CCDC171: variants seen among roughly 807,000 people sequenced by gnomAD.
CCDC171 encodes coiled-coil domain-containing protein 171.
CCDC171 carries 177 observed loss-of-function variants against 168.2 expected under a neutral mutation model. That is an observed-to-expected ratio of 1.05 (90% CI 0.93 to 1.19). CCDC171 has a LOEUF of 1.19. Among genes scored for constraint, CCDC171 ranks in the 50% most tolerant of loss-of-function variants. CCDC171 has a pLI of 0.00. For missense variants in CCDC171, 1,991 were observed against 1,539.0 expected (o/e 1.29, Z -4.91); for synonymous variants, 687 against 540.8 (o/e 1.27, Z -3.75).
intron 8 of CCDC171, among the ~76,000 whole-genome samples, chr9:16,036,607 G>C (rs1024411079): frequency 6.6e-6 from 1 of 152,188 alleles, no homozygotes; most frequent in Non-Finnish European, 1.5e-5. Flanking sequence ...TCGCGCCACT[G>C]CACTCCAGCC....
intron 4 of CCDC171, among the ~76,000 whole-genome samples, chr9:15,590,451 A>G (rs551628897): frequency 7.4e-4 from 113 of 152,350 alleles, no homozygotes; most frequent in Non-Finnish European, 1.4e-3. Flanking sequence ...GTGGCAGGTG[A>G]TGGAGCCAGA....
At chr9:15,789,566 A>G (rs1167893094) in intron 21 of CCDC171, among the ~76,000 whole-genome samples, 1 of 152,210 alleles carries the variant, frequency 6.6e-6, no homozygotes, top group Non-Finnish European at 1.5e-5. Context: ...GAGTAAGATC[A>G]ACGAAGTAAC....
chr9:16,004,900 G>A (rs188150816), intron 3 of CCDC171, among the ~76,000 whole-genome samples: 133 of 152,182 alleles, frequency 8.7e-4, no homozygotes, highest in African/African-American at 3.0e-3. Flanking sequence ...ACCTTGGAAG[G>A]ATGAGATGTC....
At chr9:15,638,366 A>G (rs1533040) in intron 7 of CCDC171, among the ~76,000 whole-genome samples, 61,619 of 151,684 alleles carry the variant, frequency 0.41, 14,204 homozygotes, top group East Asian at 0.76. Flanking sequence ...TCTGGAGAGC[A>G]TTTTATGTTA....
intron 23 of CCDC171, among the ~76,000 whole-genome samples, chr9:15,861,574 G>A (rs1178709998): frequency 6.6e-6 from 1 of 151,610 alleles, no homozygotes; most frequent in African/African-American, 2.4e-5. Flanking sequence ...TATAAAATAC[G>A]GTTATGACAG....
exon 5 of CCDC171, chr9:16,022,574 T>C (rs1426270441): frequency 6.6e-6 from 1 of 152,414 alleles, no homozygotes; most frequent in Admixed American, 6.5e-5. Context: ...TGGACAAACA[T>C]GCAGTCTACC....
At chr9:15,662,367 A>G (rs1469914458) in intron 8 of CCDC171, among the ~76,000 whole-genome samples, 2 of 146,706 alleles carry the variant, frequency 1.4e-5, no homozygotes, top group Non-Finnish European at 3.0e-5. Context: ...TATCATTTTT[A>G]TGGATTAATG....
chr9:15,615,362 A>G (rs974584855), intron 6 of CCDC171, among the ~76,000 whole-genome samples: 12 of 152,206 alleles, frequency 7.9e-5, no homozygotes, highest in Middle Eastern at 3.4e-3. Flanking sequence ...TTCCGTGAAA[A>G]CATGTTTGTG....
intron 21 of CCDC171, among the ~76,000 whole-genome samples, chr9:15,836,685 C>G (rs1563840484): frequency 6.6e-6 from 1 of 152,210 alleles, no homozygotes; most frequent in African/African-American, 2.4e-5. Context: ...TGGGACATTG[C>G]TGTCCTTTTC....
chr9:15,663,885 C>G (rs779716192), intron 8 of CCDC171, among the ~76,000 whole-genome samples: 13 of 152,082 alleles, frequency 8.5e-5, no homozygotes, highest in Admixed American at 2.6e-4. Context: ...GGATTACATG[C>G]GTGAGCCACC....
chr9:15,907,267 G>T (rs566048723), intron 24 of CCDC171, among the ~76,000 whole-genome samples: 1 of 152,224 alleles, frequency 6.6e-6, no homozygotes, highest in Admixed American at 6.5e-5. Context: ...ATACTACAAG[G>T]CTACAGTAAC....
At chr9:15,742,010 C>A (rs1470044667) in intron 16 of CCDC171, among the ~76,000 whole-genome samples, 4 of 152,084 alleles carry the variant, frequency 2.6e-5, no homozygotes, top group Non-Finnish European at 5.9e-5. Flanking sequence ...CTGAGGTTCA[C>A]TTTTATTTTC....
intron 25 of CCDC171, among the ~76,000 whole-genome samples, chr9:15,947,217 T>G (rs1191201733): frequency 6.6e-6 from 1 of 151,964 alleles, no homozygotes; most frequent in Non-Finnish European, 1.5e-5. Context: ...ATCATAGAAA[T>G]TCTGAGACCT....
At chr9:15,974,331 A>G (rs1831557813), downstream of CCDC171, among the ~76,000 whole-genome samples, 1 of 152,188 alleles carries the variant, frequency 6.6e-6, no homozygotes, top group African/African-American at 2.4e-5. Context: ...GCTTCTAAGC[A>G]CCTTAGTGAC....
At chr9:16,094,538 C>G in the CCDC171 span, among the ~76,000 whole-genome samples, 1 of 152,128 alleles carries the variant, frequency 6.6e-6, no homozygotes, top group African/African-American at 2.4e-5. Flanking sequence ...GGGCAAGAGT[C>G]AAGGGTTGTT....
intron 25 of CCDC171, among the ~76,000 whole-genome samples, chr9:15,948,059 A>T (rs1828643320): frequency 6.7e-6 from 1 of 149,770 alleles, no homozygotes; most frequent in Non-Finnish European, 1.5e-5. Context: ...CCCACCTATG[A>T]GTGAGAATAT....
rs144245869 is a variant in CCDC171, at chr9:15,667,855, T to C, written c.1076+1532T>C. Among the ~76,000 whole-genome samples the C allele has an allele frequency of 3.3e-4, 50 of 152,340 alleles. No homozygotes were observed. The East Asian group carries it at 6.9e-3, about 21-fold the overall frequency. ...CCAATAATTCTTAACTGAATTTCCT[T>C]GCTTCCCTCTAGTATGACTTAAATG... On this transcript the variant is annotated intron_variant, in intron 9 of 25. Coordinates refer to ENST00000380701, the MANE Select transcript of CCDC171 (RefSeq NM_173550.4).
At chr9:15,638,618 T>G (rs935254671) in intron 7 of CCDC171, among the ~76,000 whole-genome samples, 10 of 152,172 alleles carry the variant, frequency 6.6e-5, no homozygotes, top group Admixed American at 5.9e-4. Flanking sequence ...ACAGTTGCAT[T>G]TCTTGAAAGG....
At chr9:16,014,744 T>C (rs1832966694) in intron 3 of CCDC171, among the ~76,000 whole-genome samples, 1 of 152,170 alleles carries the variant, frequency 6.6e-6, no homozygotes, top group Admixed American at 6.5e-5. Context: ...CAATAAATAG[T>C]AATATTTTGA....
Sources: gnomAD v4.1 joint callset for allele counts (sites outside exome capture counted in the v4.1 genomes callset) on GRCh38, gnomAD v4.1.1 for gene constraint, MANE v1.5 for transcripts, NCBI Gene and HGNC (gene_info 2026-07-23, HGNC 2026-07-21) for gene names.